The following THRA variants were observed in gnomAD, a reference collection of about 807,000 sequenced individuals.
THRA encodes thyroid hormone receptor alpha.
THRA carries 13 observed loss-of-function variants against 45.0 expected under a neutral mutation model. The observed-to-expected ratio is 0.29, with a 90% CI of 0.19 to 0.46. The LOEUF is 0.46. Among genes scored for constraint, THRA ranks in the 20% least tolerant of loss-of-function variants. THRA has a pLI of 1.00. For synonymous variants in THRA, 195 were observed against 214.0 expected (o/e 0.91, Z 0.78); for missense variants, 278 against 556.1 (o/e 0.50, Z 5.03).
At chr17:40,086,349 C>T (rs1387030423) in intron 6 of THRA, among the ~76,000 whole-genome samples, 1 of 152,126 alleles carries the variant, frequency 6.6e-6, no homozygotes, top group Non-Finnish European at 1.5e-5. Context: ...ATTTAGCTGC[C>T]CCATGCCTCA....
chr17:40,093,665 C>T (rs1346637237), downstream of THRA: 3 of 634,608 alleles, frequency 4.7e-6, no homozygotes, highest in South Asian at 4.0e-5. This position sits in a 1 kb window ranked among gnomAD's most constrained non-coding sequence, Gnocchi z 5.9. Context: ...TCACCTCCTT[C>T]CCCAGCTCCC....
Position 40,091,628 on chromosome 17 carries a change from C to A in THRA, c.*2172C>A, listed in dbSNP as rs886822465. ...CCATCCCCATTCTCAGCCATGGACA[C>A]GGCAGAGAAAAGGCCTTGAAGAGCC... On this transcript the variant is annotated 3_prime_UTR_variant, in exon 9 of 9. Transcript: ENST00000450525. The A allele has an allele frequency of 6.6e-6, 1 of 151,686 alleles. No individual in the cohort carries two copies. The highest frequency in any genetic ancestry group is 2.1e-4 in the South Asian group (1 of 4,814). 9.4% of individuals were successfully genotyped at this position (151,686 alleles called of 1,614,324 possible).
Position 40,077,067 on chromosome 17 carries a change from G to A in THRA, c.121+129G>A. On this transcript the variant is annotated intron_variant, in intron 3 of 8. Coordinates refer to ENST00000450525, the MANE Select transcript of THRA (RefSeq NM_199334.5). Reference sequence around the variant, plus strand: ...GGGGGGAGCCTCCTAGAGGGCTTGGGATGGACTTGTCTGGGGGTGAGAAAG... The same window carrying A: ...GGGGGGAGCCTCCTAGAGGGCTTGGAATGGACTTGTCTGGGGGTGAGAAAG... The A allele has an allele frequency of 5.3e-6, 5 of 950,972 alleles. No individual in the cohort carries two copies. The South Asian group carries it at 8.0e-5, about 15-fold the overall frequency. 58.9% of individuals were successfully genotyped at this position (950,972 alleles called of 1,614,324 possible). A position where few individuals can be genotyped will look rare whatever the true frequency, so the allele number is the denominator to read the frequency against.
intron 1 of THRA, among the ~76,000 whole-genome samples, chr17:40,072,488 A>G (rs1242882699): frequency 6.6e-6 from 1 of 152,116 alleles, no homozygotes; most frequent in Admixed American, 6.5e-5. Flanking sequence ...CCAGGCGGGC[A>G]GGAGACAGGC....
At chr17:40,072,649 T>C (rs1232617446) in intron 1 of THRA, among the ~76,000 whole-genome samples, 2 of 151,832 alleles carry the variant, frequency 1.3e-5, no homozygotes, top group Non-Finnish European at 2.9e-5. Flanking sequence ...CAGAAGATCG[T>C]CCTCTATTGT....
chr17:40,074,722 T>TGA (rs755670604), intron 2 of THRA, among the ~76,000 whole-genome samples, 181 bp downstream of exon 2: 1 of 152,188 alleles, frequency 6.6e-6, no homozygotes, highest in Non-Finnish European at 1.5e-5. Context: ...GCACTTGGAT[T>TGA]GAGAGATGCT....
Position 40,090,116 on chromosome 17 carries a change from A to AC in THRA, c.*667dup, listed in dbSNP as rs879707667. 9.0e-5 allele frequency: 76 copies of AC among 848,354 alleles called. No homozygotes were observed. Among genetic ancestry groups the AC allele is most frequent in the Middle Eastern group, 1.2e-3 (2 of 1,660 alleles). 52.6% of individuals were successfully genotyped at this position (848,354 alleles called of 1,614,324 possible). A position where few individuals can be genotyped will look rare whatever the true frequency, so the allele number is the denominator to read the frequency against. ...TAACTGAGGCTGACCAGAGGGGAGG[A>AC]CCCCCCCTTTACCACCCCATGCACT... is the stretch of plus-strand genomic sequence containing the variant. On this transcript the variant is annotated 3_prime_UTR_variant, in exon 9 of 9. Coordinates refer to ENST00000450525, the MANE Select transcript of THRA (RefSeq NM_199334.5).
In THRA at chr17:40,091,249, C is replaced by CAT. The variant is rs1987528591; in HGVS notation, c.*1794_*1795insTA. 1 of 155,596 alleles carries CAT rather than the reference C, an allele frequency of 6.4e-6. No individual in the cohort carries two copies. The highest frequency in any genetic ancestry group is 1.4e-5 in the Non-Finnish European group (1 of 71,100). The allele number at this position is 155,596 out of a possible 1,614,324, so 9.6% of individuals were successfully genotyped here. ...AGCCCCCTACACACACACACACACACACACACACACACACACACACACGGA... is the reference window on the plus strand; with the variant it reads ...AGCCCCCTACACACACACACACACACATACACACACACACACACACACACGGA... On this transcript the variant is annotated 3_prime_UTR_variant, in exon 9 of 9. Coordinates refer to ENST00000450525, the MANE Select transcript of THRA (RefSeq NM_199334.5).
downstream of THRA, chr17:40,093,052 G>A: frequency 6.2e-7 from 1 of 1,614,148 alleles, no homozygotes; most frequent in South Asian, 1.1e-5. This position sits in a 1 kb window ranked among gnomAD's most constrained non-coding sequence, Gnocchi z 5.9. Flanking sequence ...TTCTGTACAA[G>A]GGGGCAGCGG....
chr17:40,073,089 T>A (rs1986834412), intron 1 of THRA, among the ~76,000 whole-genome samples: 1 of 152,232 alleles, frequency 6.6e-6, no homozygotes, highest in African/African-American at 2.4e-5. Flanking sequence ...CCACCCTGGC[T>A]GCTTATCAGC....
rs552487678 is a variant in THRA, at chr17:40,083,873, C to T, written c.261C>T (p.Pro87=). 6.2e-7 allele frequency: 1 copy of T among 1,613,744 alleles called. No individual in the cohort carries two copies. The highest frequency in any genetic ancestry group is 2.2e-5 in the East Asian group (1 of 44,870). Residue 87 remains proline, a synonymous_variant, in exon 5 of 9, where the codon CCC becomes CCT. Coordinates refer to ENST00000450525, the MANE Select transcript of THRA (RefSeq NM_199334.5). ...GCACAATCCAGAAGAACCTCCATCC[C>T]ACCTATTCCTGCAAATATGACAGCT... ...FRRTIQKNLH[P]TYSCKYDSCC... is the part of the protein sequence containing the mutation.
At chr17:40,093,713 G>C (rs1203205975), downstream of THRA, 1 of 640,154 alleles carries the variant, frequency 1.6e-6, no homozygotes, top group Non-Finnish European at 2.7e-6. This position sits in a 1 kb window ranked among gnomAD's most constrained non-coding sequence, Gnocchi z 5.9. Context: ...CTTGGTTCAT[G>C]CTTCTACTGT....
rs1401127698 is a variant in THRA, at chr17:40,092,393, T to TCCC, written c.*2937_*2938insCCC. 5 of 144,342 alleles carry TCCC rather than the reference T, an allele frequency of 3.5e-5. No individual in the cohort carries two copies. The highest frequency in any genetic ancestry group is 1.5e-5 in the Non-Finnish European group (1 of 65,476). 8.9% of individuals were successfully genotyped at this position (144,342 alleles called of 1,614,324 possible). A position where few individuals can be genotyped will look rare whatever the true frequency, so the allele number is the denominator to read the frequency against. ...TGGTGCTGGGCTGGGGGGAGGGGGG[T>TCCC]TGTGGCCAGAAACAGGGAAGGAGGT... On this transcript the variant is annotated 3_prime_UTR_variant, in exon 9 of 9. Transcript: ENST00000450525.
intron 2 of THRA, 25 bp downstream of exon 2, chr17:40,074,566 T>C (rs1432476490): frequency 6.2e-7 from 1 of 1,613,808 alleles, no homozygotes; most frequent in South Asian, 1.1e-5. Context: ...AACTAGGTCA[T>C]GCCAACTCCT....
chr17:40,071,332 G>A (rs1294015272), intron 1 of THRA, among the ~76,000 whole-genome samples: 1 of 152,214 alleles, frequency 6.6e-6, no homozygotes. Context: ...TCCTTTGGGG[G>A]TGTCCTCAGA....
intron 1 of THRA, among the ~76,000 whole-genome samples, chr17:40,068,749 T>C (rs1283451085): frequency 1.3e-5 from 2 of 152,138 alleles, no homozygotes; most frequent in African/African-American, 4.8e-5. Context: ...CTCCTCCTCT[T>C]TTCCTCTTCT....
At chr17:40,074,168 C>G (rs1275744999) in intron 1 of THRA, 24 bp from the exon 2 acceptor site, 1 of 351,928 alleles carries the variant, frequency 2.8e-6, no homozygotes, top group Non-Finnish European at 5.4e-6. Flanking sequence ...CCTTCTTACC[C>G]CTGCCTCTCT....
chr17:40,065,503 C>T (rs1370872121), intron 1 of THRA, among the ~76,000 whole-genome samples: 4 of 152,196 alleles, frequency 2.6e-5, no homozygotes. Context: ...CTCCTTGTTT[C>T]TCTGCCAGTC....
intron 4 of THRA, among the ~76,000 whole-genome samples, chr17:40,082,758 C>CCTTTTTTT (rs1389256940): frequency 4.4e-5 from 3 of 67,516 alleles, no homozygotes; most frequent in Non-Finnish European, 5.7e-5. Flanking sequence ...GAATCGCATG[C>CCTTTTTTT]TTTTTTTTTT....
Sources: gnomAD v4.1 joint callset for allele counts (sites outside exome capture counted in the v4.1 genomes callset) on GRCh38, gnomAD v4.1.1 for gene constraint, Gnocchi (gnomAD v3.1) non-coding constraint, MANE v1.5 for transcripts, NCBI Gene and HGNC (gene_info 2026-07-23, HGNC 2026-07-21) for gene names.